The following SEMA6D variants were observed in gnomAD, a reference collection of about 807,000 sequenced individuals.
SEMA6D encodes the protein semaphorin 6D.
In SEMA6D, 35 loss-of-function variants were observed where a neutral mutation model predicts 106.6. The observed-to-expected ratio is 0.33, with a 90% CI of 0.25 to 0.44. The LOEUF is 0.44. Among genes scored for constraint, SEMA6D ranks in the 20% least tolerant of loss-of-function variants. The pLI, the probability that SEMA6D is intolerant of heterozygous loss-of-function variation, is 1.00. For synonymous variants in SEMA6D, 499 were observed against 487.7 expected (o/e 1.02, Z -0.31); for missense variants, 1,185 against 1,345.9 (o/e 0.88, Z 1.87).
rs142213725 is a variant in SEMA6D at position 47,661,011 on chromosome 15, G to A, written c.-55+60115G>A. The stretch of plus-strand genomic sequence containing the variant: ...AACCCTCAGCCACAGTTATCAGTTC[G>A]TTTCCATATTCACTTAATTTTCTAA... On this transcript the variant is annotated intron_variant, in intron 4 of 19. Transcript: ENST00000558014. 1.8e-3 allele frequency among the ~76,000 whole-genome samples: 269 copies of A among 152,256 alleles called. 1 individual carries two copies. The highest frequency in any genetic ancestry group is 5.8e-3 in the African/African-American group (241 of 41,550).
intron 1 of SEMA6D, among the ~76,000 whole-genome samples, chr15:47,322,584 T>C (rs1019049123): frequency 6.6e-6 from 1 of 152,228 alleles, no homozygotes; most frequent in Non-Finnish European, 1.5e-5. Context: ...GCTATACATA[T>C]GTATTGTTAC....
chr15:47,272,943 T>C (rs775624928), intron 1 of SEMA6D: 6 of 152,166 alleles, frequency 3.9e-5, no homozygotes, highest in Non-Finnish European at 7.3e-5. Flanking sequence ...CAAAGATTTG[T>C]CATCTAATTT....
chr15:47,764,750 C>G lies in SEMA6D; in HGVS notation c.1210C>G (p.Pro404Ala). 2 of 1,614,026 alleles carry G rather than the reference C, an allele frequency of 1.2e-6. No individual in the cohort carries two copies. The highest frequency in any genetic ancestry group is 1.1e-5 in the South Asian group (1 of 91,086). The part of the protein sequence containing the change: ...KSHPLMDSAV[P>A]PIADEPWFTK... ...TCATCCCCTGATGGACTCTGCCGTT[C>G]CACCCATTGCCGATGAGCCCTGGTT... Residue 404 changes from proline to alanine, a missense_variant, in exon 12 of 19, where the codon CCA becomes GCA. Around this residue, in one of 3 missense-constraint regions of SEMA6D, gnomAD observed 291 missense variants for 423.8 expected, o/e 0.69. Coordinates refer to ENST00000536845, the MANE Select transcript of SEMA6D (RefSeq NM_001358351.3).
At chr15:47,763,793 G>A in intron 9 of SEMA6D, 57 bp from the exon 10 acceptor site, 1 of 1,456,132 alleles carries the variant, frequency 6.9e-7, no homozygotes, top group Non-Finnish European at 9.6e-7. Context: ...GTATCATTTT[G>A]TTTCCATTCC....
chr15:47,531,365 C>T (rs2044957595), intron 3 of SEMA6D, among the ~76,000 whole-genome samples: 1 of 152,172 alleles, frequency 6.6e-6, no homozygotes, highest in Admixed American at 6.5e-5. Context: ...CTTTTGCCTC[C>T]ATATGCATAA....
At chr15:47,727,656 C>T (rs188594217) in intron 1 of SEMA6D, among the ~76,000 whole-genome samples, 2 of 131,982 alleles carry the variant, frequency 1.5e-5, no homozygotes, top group African/African-American at 2.8e-5. Context: ...AAAGTGGCTT[C>T]CCCCCCAACC....
chr15:47,568,663 TA>T (rs2046297584), intron 3 of SEMA6D, among the ~76,000 whole-genome samples: 1 of 152,174 alleles, frequency 6.6e-6, no homozygotes, highest in Non-Finnish European at 1.5e-5. Context: ...AAGTATTTAT[TA>T]TGTGTCCTCA....
intron 1 of SEMA6D, among the ~76,000 whole-genome samples, chr15:47,354,189 CTCTCTCTCTCTATATATA>C (rs959012989): frequency 1.5e-3 from 45 of 30,442 alleles, no homozygotes; most frequent in Non-Finnish European, 1.9e-3. Context: ...CTCTCTCTCT[CTCTCTCTCTCTATATATA>C]TATATATATA....
chr15:47,216,508 C>A (rs553725245), intron 1 of SEMA6D, among the ~76,000 whole-genome samples: 76 of 152,090 alleles, frequency 5.0e-4, no homozygotes, highest in African/African-American at 1.8e-3. Context: ...TAAGAGGAAG[C>A]CAAATTGTAA....
chr15:47,351,332 G>T (rs2038318303), intron 1 of SEMA6D, among the ~76,000 whole-genome samples: 1 of 152,032 alleles, frequency 6.6e-6, no homozygotes, highest in African/African-American at 2.4e-5. Flanking sequence ...GAGTTCTAAA[G>T]GTTAATCTAG....
At chr15:47,729,632 C>T (rs747899681) in intron 1 of SEMA6D, among the ~76,000 whole-genome samples, 5 of 152,162 alleles carry the variant, frequency 3.3e-5, no homozygotes, top group Non-Finnish European at 7.4e-5. Context: ...CATTTCCAGC[C>T]TGTGAGGATT....
At chr15:47,522,811 C>A (rs2044632128) in intron 3 of SEMA6D, among the ~76,000 whole-genome samples, 1 of 152,126 alleles carries the variant, frequency 6.6e-6, no homozygotes, top group African/African-American at 2.4e-5. Context: ...TGACAACTCT[C>A]AAACTGAGTA....
chr15:47,479,293 T>C (rs1019061129), intron 3 of SEMA6D, among the ~76,000 whole-genome samples: 2 of 152,162 alleles, frequency 1.3e-5, no homozygotes, highest in Admixed American at 6.6e-5. Context: ...ACAGCATCAG[T>C]TGTTGGGTAG....
chr15:47,474,806 A>G (rs2042958535), intron 3 of SEMA6D, among the ~76,000 whole-genome samples: 2 of 152,226 alleles, frequency 1.3e-5, no homozygotes, highest in Admixed American at 6.5e-5. Context: ...CCAACTCTAG[A>G]CAATGACGTG....
At chr15:47,192,293 T>C (rs912877585) in intron 1 of SEMA6D, among the ~76,000 whole-genome samples, 2 of 152,206 alleles carry the variant, frequency 1.3e-5, no homozygotes, top group Non-Finnish European at 2.9e-5. Context: ...CAGCACCTGC[T>C]CCCACATAAT....
At chr15:47,564,966 A>G (rs1431479189) in intron 3 of SEMA6D, among the ~76,000 whole-genome samples, 3 of 152,116 alleles carry the variant, frequency 2.0e-5, no homozygotes, top group Middle Eastern at 3.2e-3. Flanking sequence ...AAGATTACCT[A>G]TATCCCCCAT....
chr15:47,509,539 G>A (rs752426405), intron 3 of SEMA6D, among the ~76,000 whole-genome samples: 1 of 152,054 alleles, frequency 6.6e-6, no homozygotes, highest in African/African-American at 2.4e-5. Context: ...GACATTGAAG[G>A]CTTCCAAAAT....
At position 47,384,818 on chromosome 15, in the gene SEMA6D, T is replaced by TTTTG. The variant is rs1471662984; in HGVS notation, c.-238-27572_-238-27571insGTTT. Among the ~76,000 whole-genome samples the TTTTG allele has an allele frequency of 2.3e-3, 131 of 56,842 alleles. 14 individuals carry two copies. The East Asian group carries it at 0.034, about 15-fold the overall frequency. 37.3% of individuals were successfully genotyped at this position (56,842 alleles called of 152,430 possible). On this transcript the variant is annotated intron_variant, in intron 1 of 19. Coordinates refer to the SEMA6D transcript ENST00000558014. ...AATTAACATTTGATTACTAAAGTTT[T>TTTTG]TTTTTTTTTTTTTTTTTTTTTTTTT...
intron 1 of SEMA6D, among the ~76,000 whole-genome samples, chr15:47,309,637 A>T (rs1232471088): frequency 6.6e-6 from 1 of 152,162 alleles, no homozygotes; most frequent in Admixed American, 6.5e-5. Context: ...GTCTTGGAAC[A>T]TATGAACATA....
Sources: gnomAD v4.1 joint callset for allele counts (sites outside exome capture counted in the v4.1 genomes callset) on GRCh38, gnomAD v4.1.1 for gene constraint, gnomAD v4.1.1 regional missense constraint, MANE v1.5 for transcripts, NCBI Gene and HGNC (gene_info 2026-07-23, HGNC 2026-07-21) for gene names.